The following STK35 variants were observed in gnomAD, a reference collection of about 807,000 sequenced individuals.
STK35 encodes the protein serine/threonine kinase 35.
Under a neutral mutation model 37.3 loss-of-function variants are expected in STK35, and 17 were observed. The observed-to-expected ratio is 0.46, with a 90% confidence interval of 0.31 to 0.68. The LOEUF is 0.68. Among genes scored for constraint, STK35 ranks in the 30% least tolerant of loss-of-function variants. The pLI, the probability that STK35 is intolerant of heterozygous loss-of-function variation, is 0.05. For synonymous variants in STK35, 385 were observed against 319.1 expected, an observed-to-expected ratio of 1.21 and a Z score of -2.20; for missense variants, 595 against 746.7, an observed-to-expected ratio of 0.80 and a Z score of 2.37.
intron 3 of STK35, among the ~76,000 whole-genome samples, chr20:2,125,341 A>G (rs1472760714): frequency 2.0e-5 from 3 of 152,154 alleles, no homozygotes; most frequent in African/African-American, 7.2e-5. Flanking sequence ...GCCCTGAATT[A>G]AGCACTTTAC....
chr20:2,108,365 C>T (rs1189487514), intron 2 of STK35, among the ~76,000 whole-genome samples: 1 of 152,102 alleles, frequency 6.6e-6, no homozygotes, highest in Non-Finnish European at 1.5e-5. Context: ...AAAAAATCAG[C>T]TGGGCGTGGT....
chr20:2,144,303 A>G lies in STK35; in HGVS notation c.*557A>G. ...TGGGCCACGCCTCCCTACCAGATGC[A>G]GGAACTCCTGGACTCCTTGGTGGGC... is the stretch of plus-strand genomic sequence containing the variant. On this transcript the variant is annotated 3_prime_UTR_variant, in exon 4 of 4. Coordinates refer to ENST00000381482, the MANE Select transcript of STK35 (RefSeq NM_080836.4). 2 of 197,290 alleles carry G rather than the reference A, an allele frequency of 1.0e-5. No individual in the cohort carries two copies. Among genetic ancestry groups the G allele is most frequent in the Non-Finnish European group, 2.1e-5 (2 of 96,728 alleles). 12.2% of individuals were successfully genotyped at this position (197,290 alleles called of 1,614,324 possible).
At chr20:2,115,958 T>G (rs1382081988) in intron 2 of STK35, among the ~76,000 whole-genome samples, 1 of 152,140 alleles carries the variant, frequency 6.6e-6, no homozygotes, top group Admixed American at 6.5e-5. Context: ...ATCTGGCGAC[T>G]CCTGCCTCCG....
chr20:2,122,353 T>C (rs1985833820), intron 3 of STK35, among the ~76,000 whole-genome samples: 1 of 152,146 alleles, frequency 6.6e-6, no homozygotes, highest in Non-Finnish European at 1.5e-5. Flanking sequence ...AAAACTCTAG[T>C]TGCATAAGTA....
At chr20:2,143,306 C>T (rs1352036444) in intron 3 of STK35, among the ~76,000 whole-genome samples, 4 of 152,222 alleles carry the variant, frequency 2.6e-5, no homozygotes, top group Non-Finnish European at 5.9e-5. Context: ...TCACTCTTCT[C>T]TTCTGTAAAA....
At chr20:2,129,796 G>A (rs1985968295) in intron 3 of STK35, among the ~76,000 whole-genome samples, 1 of 152,088 alleles carries the variant, frequency 6.6e-6, no homozygotes, top group African/African-American at 2.4e-5. Flanking sequence ...CCTGAAGGAT[G>A]AGGCCTCTGC....
chr20:2,141,206 GT>G (rs1305924160), intron 3 of STK35, among the ~76,000 whole-genome samples: 1 of 152,224 alleles, frequency 6.6e-6, no homozygotes, highest in Admixed American at 6.5e-5. Flanking sequence ...TAGAGCTAGA[GT>G]TTGAGATGGC....
chr20:2,143,470 T>A (rs916933621), intron 3 of STK35, among the ~76,000 whole-genome samples: 7 of 152,186 alleles, frequency 4.6e-5, no homozygotes, highest in Non-Finnish European at 1.5e-5. Flanking sequence ...GTCTTGCTCC[T>A]AATAGTACGG....
intron 2 of STK35, among the ~76,000 whole-genome samples, chr20:2,107,297 A>G (rs1235046437): frequency 6.6e-6 from 1 of 152,228 alleles, no homozygotes; most frequent in Non-Finnish European, 1.5e-5. Flanking sequence ...ACAAACTCTC[A>G]AGACTCATAT....
intron 2 of STK35, among the ~76,000 whole-genome samples, chr20:2,107,436 AGTAATCTT>A (rs1985537446): frequency 6.6e-6 from 1 of 152,254 alleles, no homozygotes; most frequent in Non-Finnish European, 1.5e-5. Context: ...GGCCTTGGAA[AGTAATCTT>A]GCCTGCACAC....
Position 2,117,399 on chromosome 20 carries a change from G to A in STK35, c.*21G>A, listed in dbSNP as rs961244415. On this transcript the variant is annotated 3_prime_UTR_variant, in exon 3 of 4. Coordinates refer to ENST00000381482, the MANE Select transcript of STK35 (RefSeq NM_080836.4). The surrounding 1 kb of genome is among the most constrained non-coding windows in gnomAD (Gnocchi z 4.4). ...CTTAAAATTCAGGGCTAAGCATTTT[G>A]GGTGATTTTAAACTAGGTGAGTGCT... 6 of 1,567,716 alleles carry A rather than the reference G, an allele frequency of 3.8e-6. No homozygotes were observed. The Admixed American group carries it at 5.6e-5, about 15-fold the overall frequency.
At chr20:2,115,703 C>T (rs907714157) in intron 2 of STK35, among the ~76,000 whole-genome samples, 4 of 152,186 alleles carry the variant, frequency 2.6e-5, no homozygotes, top group African/African-American at 9.7e-5. Context: ...TCTTGTACAT[C>T]GACTTTAGAC....
intron 2 of STK35, among the ~76,000 whole-genome samples, chr20:2,107,337 G>A (rs769928206): frequency 1.3e-5 from 2 of 152,178 alleles, no homozygotes; most frequent in Non-Finnish European, 2.9e-5. Flanking sequence ...TGGGAGAGCC[G>A]GGAGCCTAGC....
In STK35 at chr20:2,117,461, G is replaced by T. The variant is rs904335466; in HGVS notation, c.*37+46G>T. ...TTTTTTGTTTTTTGTTTTGAGACAG[G>T]GTCTCACTCTGTTGGTCAGGCTGGG... On this transcript the variant is annotated intron_variant, in intron 3 of 3. Coordinates refer to ENST00000381482, the MANE Select transcript of STK35 (RefSeq NM_080836.4). This position sits in a 1 kb window ranked among gnomAD's most constrained non-coding sequence, Gnocchi z 4.4. 3.5e-5 allele frequency: 40 copies of T among 1,143,734 alleles called. No individual in the cohort carries two copies. The African/African-American group carries it at 4.3e-4, about 12-fold the overall frequency. The allele number at this position is 1,143,734 out of a possible 1,614,324, so 70.8% of individuals were successfully genotyped here.
In STK35 at chr20:2,117,423, C is replaced by A; in HGVS notation, c.*37+8C>A. 1 of 1,476,728 alleles carries A rather than the reference C, an allele frequency of 6.8e-7. No individual in the cohort carries two copies. Among genetic ancestry groups the A allele is most frequent in the Non-Finnish European group, 9.2e-7 (1 of 1,081,892 alleles). 91.5% of individuals were successfully genotyped at this position (1,476,728 alleles called of 1,614,324 possible). A position where few individuals can be genotyped will look rare whatever the true frequency, so the allele number is the denominator to read the frequency against. ...TGGGTGATTTTAAACTAGGTGAGTG[C>A]TCTCTGTTGTTGTTTTTTGTTTTTT... On this transcript the variant is annotated splice_region_variant and intron_variant, in intron 3 of 3. Coordinates refer to ENST00000381482, the MANE Select transcript of STK35 (RefSeq NM_080836.4). The surrounding 1 kb of genome is among the most constrained non-coding windows in gnomAD (Gnocchi z 4.4).
chr20:2,142,153 G>A (rs1188520460), intron 3 of STK35, among the ~76,000 whole-genome samples: 2 of 152,170 alleles, frequency 1.3e-5, no homozygotes, highest in East Asian at 1.9e-4. Flanking sequence ...GATTTAACAC[G>A]TTTATAGTCT....
chr20:2,133,950 A>T (rs976724653), intron 3 of STK35, among the ~76,000 whole-genome samples: 37 of 152,128 alleles, frequency 2.4e-4, no homozygotes, highest in African/African-American at 8.9e-4. Flanking sequence ...TCAGTAAGTC[A>T]TACCCTGCTG....
At chr20:2,109,869 A>C (rs1303655642) in intron 2 of STK35, among the ~76,000 whole-genome samples, 1 of 152,234 alleles carries the variant, frequency 6.6e-6, no homozygotes, top group Non-Finnish European at 1.5e-5. Flanking sequence ...GATTGGGGGC[A>C]GGTAGTAGAG....
chr20:2,111,389 G>A (rs975102204), intron 2 of STK35, among the ~76,000 whole-genome samples: 4 of 152,166 alleles, frequency 2.6e-5, no homozygotes, highest in African/African-American at 9.7e-5. Context: ...TTCTGTAAGC[G>A]ACACATCTCT....
Sources: allele counts gnomAD v4.1 joint callset (sites outside exome capture counted in the v4.1 genomes callset), GRCh38; gene constraint gnomAD v4.1.1; non-coding constraint Gnocchi (gnomAD v3.1); transcripts MANE v1.5; gene names NCBI Gene and HGNC (gene_info 2026-07-23, HGNC 2026-07-21).